ZSCAN5A: variants seen among roughly 807,000 people sequenced by gnomAD.
ZSCAN5A encodes zinc finger and SCAN domain containing 5A, also known as zinc finger and SCAN domain-containing protein 5A.
Under a neutral mutation model 23.7 loss-of-function variants are expected in ZSCAN5A, and 12 were observed. The observed-to-expected ratio is 0.51, with a 90% CI of 0.32 to 0.82. The LOEUF (loss-of-function observed/expected upper bound fraction) is 0.82, where lower values mean the gene tolerates loss of function less well. Ranked by LOEUF, ZSCAN5A falls within the 40% of genes least tolerant of loss-of-function variation. ZSCAN5A has a pLI of 0.03. For missense variants in ZSCAN5A, 597 were observed against 617.9 expected, an observed-to-expected ratio of 0.97 and a Z score of 0.36; for synonymous variants, 257 against 239.9, an observed-to-expected ratio of 1.07 and a Z score of -0.66.
At chr19:56,228,077 C>T (rs1006039923) in intron 2 of ZSCAN5A, among the ~76,000 whole-genome samples, 2 of 152,050 alleles carry the variant, frequency 1.3e-5, no homozygotes, top group African/African-American at 4.8e-5. Context: ...AGTATTATTC[C>T]TAGTTTACAG....
At chr19:56,302,318 C>T (rs1432735547) in intron 2 of ZSCAN5A, among the ~76,000 whole-genome samples, 1 of 145,466 alleles carries the variant, frequency 6.9e-6, no homozygotes, top group Non-Finnish European at 1.5e-5. Flanking sequence ...TTCTCCCTCC[C>T]TCCCTCCCCT....
chr19:56,259,143 G>A (rs2146835564), intron 2 of ZSCAN5A, among the ~76,000 whole-genome samples: 1 of 152,242 alleles, frequency 6.6e-6, no homozygotes. Flanking sequence ...GAGTTTTGGG[G>A]TGATGTGTTA....
rs1312432807 is a variant in ZSCAN5A, at chr19:56,278,184, C to T, written c.-128+35099G>A. ...TCGCCCAGGCTGGAATACAGTGGCA[C>T]GGTCTCGGCTCGCCATGACATCTGC... On this transcript the variant is annotated intron_variant, in intron 2 of 5. Coordinates refer to ENST00000683990, the MANE Select transcript of ZSCAN5A (RefSeq NM_001322064.3). Among the ~76,000 whole-genome samples, 8 of 151,724 alleles carry T rather than the reference C, an allele frequency of 5.3e-5. No individual in the cohort carries two copies. In the East Asian group the frequency reaches 5.8e-4, roughly 11 times the overall value.
Position 56,225,177 on chromosome 19 carries a change from G to GT in ZSCAN5A, c.-127-5_-127-4insA. 1 of 1,375,764 alleles carries GT rather than the reference G, an allele frequency of 7.3e-7. No individual in the cohort carries two copies. Among genetic ancestry groups the GT allele is most frequent in the Admixed American group, 3.3e-5 (1 of 30,340 alleles). The allele number at this position is 1,375,764 out of a possible 1,614,324, so 85.2% of individuals were successfully genotyped here. A position where few individuals can be genotyped will look rare whatever the true frequency, so the allele number is the denominator to read the frequency against. ...GATTCACTGTTCATTCAGAAGTCTG[G>GT]GGGGGAAAAGTATGAGCCTCATTAG... On this transcript the variant is annotated splice_polypyrimidine_tract_variant and splice_region_variant and intron_variant, in intron 2 of 5. Transcript: ENST00000683990.
chr19:56,302,569 T>TCTCCCTC (rs2147273903), intron 2 of ZSCAN5A, among the ~76,000 whole-genome samples: 1 of 66,654 alleles, frequency 1.5e-5, no homozygotes, highest in East Asian at 5.5e-4. Flanking sequence ...CCCCCCTTCC[T>TCTCCCTC]TTTCTTCCTC....
chr19:56,268,258 G>A (rs947999046), intron 2 of ZSCAN5A, among the ~76,000 whole-genome samples: 1 of 152,206 alleles, frequency 6.6e-6, no homozygotes, highest in African/African-American at 2.4e-5. Context: ...TGGTGTGGCT[G>A]AGCCAGTCAT....
intron 2 of ZSCAN5A, among the ~76,000 whole-genome samples, chr19:56,302,596 C>CCTTTTCTT: frequency 2.1e-5 from 1 of 46,780 alleles, no homozygotes; most frequent in Admixed American, 2.1e-4. Flanking sequence ...TTCTTCCTCT[C>CCTTTTCTT]CCTCTTCTTC....
intron 2 of ZSCAN5A, among the ~76,000 whole-genome samples, chr19:56,276,136 G>A (rs945247400): frequency 1.3e-5 from 2 of 152,218 alleles, no homozygotes; most frequent in African/African-American, 4.8e-5. Flanking sequence ...CCCCAAGTCT[G>A]TATTTTCATA....
intron 2 of ZSCAN5A, among the ~76,000 whole-genome samples, chr19:56,238,127 C>G (rs1600052663): frequency 1.3e-5 from 2 of 150,840 alleles, no homozygotes; most frequent in Admixed American, 6.6e-5. Context: ...CACCCACACA[C>G]AGACACACAC....
chr19:56,227,138 T>C (rs2034028335), intron 2 of ZSCAN5A, among the ~76,000 whole-genome samples: 1 of 152,146 alleles, frequency 6.6e-6, no homozygotes, highest in African/African-American at 2.4e-5. Flanking sequence ...TATTGTATAC[T>C]TGGAAACTGC....
chr19:56,268,047 GA>G (rs2146927038), intron 2 of ZSCAN5A, among the ~76,000 whole-genome samples: 1 of 152,308 alleles, frequency 6.6e-6, no homozygotes, highest in African/African-American at 2.4e-5. Flanking sequence ...AAAAATCCCT[GA>G]AACTTCTGAC....
intron 2 of ZSCAN5A, chr19:56,246,659 T>A: frequency 2.5e-6 from 2 of 790,754 alleles, no homozygotes. Context: ...AACATCAGTG[T>A]TTGGTTGCAA....
chr19:56,230,378 C>T lies in ZSCAN5A; in HGVS notation c.-127-5205G>A, dbSNP rs1057041392. On this transcript the variant is annotated intron_variant, in intron 2 of 5. Transcript: ENST00000683990. ...GGATTACAGGCATGAGCCACCATACCCGGCCCCAACATATTATTATTAACA... is the reference window on the plus strand; with the variant it reads ...GGATTACAGGCATGAGCCACCATACTCGGCCCCAACATATTATTATTAACA... 7.2e-5 allele frequency among the ~76,000 whole-genome samples: 11 copies of T among 152,168 alleles called. No homozygotes were observed. In the East Asian group the frequency reaches 7.7e-4, roughly 11 times the overall value.
intron 2 of ZSCAN5A, among the ~76,000 whole-genome samples, chr19:56,328,984 G>T (rs2041462810): frequency 7.0e-6 from 1 of 142,202 alleles, no homozygotes; most frequent in South Asian, 2.2e-4. Flanking sequence ...GACAGAGCGA[G>T]ACTCCGTCTC....
chr19:56,231,291 G>A (rs773670650), intron 2 of ZSCAN5A, among the ~76,000 whole-genome samples: 46 of 152,116 alleles, frequency 3.0e-4, no homozygotes, highest in Non-Finnish European at 4.7e-4. Context: ...CAAATTATTA[G>A]ATTTAGCATT....
intron 2 of ZSCAN5A, among the ~76,000 whole-genome samples, chr19:56,257,866 A>G (rs1397509086): frequency 1.7e-5 from 2 of 118,456 alleles, no homozygotes; most frequent in African/African-American, 6.6e-5. Context: ...CAAGCCTTTC[A>G]CACCTGGCTC....
intron 2 of ZSCAN5A, among the ~76,000 whole-genome samples, chr19:56,225,580 T>TC (rs1293525964): frequency 1.3e-5 from 2 of 152,186 alleles, no homozygotes; most frequent in East Asian, 1.9e-4. Context: ...TGTAATATTT[T>TC]CCCCAACACA....
At chr19:56,256,630 G>A (rs1444705531) in intron 2 of ZSCAN5A, among the ~76,000 whole-genome samples, 1 of 152,150 alleles carries the variant, frequency 6.6e-6, no homozygotes, top group African/African-American at 2.4e-5. Context: ...GAAAAACGGG[G>A]GAGACACTGA....
chr19:56,292,857 G>A lies in ZSCAN5A; in HGVS notation c.-128+20426C>T, dbSNP rs1208978400. 2.6e-5 allele frequency among the ~76,000 whole-genome samples: 4 copies of A among 152,328 alleles called. No homozygotes were observed. In the East Asian group the frequency reaches 7.7e-4, roughly 29 times the overall value. On this transcript the variant is annotated intron_variant, in intron 2 of 5. Coordinates refer to ENST00000683990, the MANE Select transcript of ZSCAN5A (RefSeq NM_001322064.3). ...GTCTGGCTTCATCACTCAGCACAGT[G>A]TCCTCAAGGTTCAGCCACATTGTGG...
Sources: gnomAD v4.1 joint callset for allele counts (sites outside exome capture counted in the v4.1 genomes callset) on GRCh38, gnomAD v4.1.1 for gene constraint, MANE v1.5 for transcripts, NCBI Gene and HGNC (gene_info 2026-07-23, HGNC 2026-07-21) for gene names.